The following ARHGEF17 variants were observed in gnomAD, a reference collection of about 807,000 sequenced individuals.
The protein encoded by ARHGEF17 is 164 kDa Rho-specific guanine-nucleotide exchange factor.
In ARHGEF17, 80 loss-of-function variants were observed where a neutral mutation model predicts 174.0. The ratio of observed to expected loss-of-function variants is 0.46; its 90% CI spans 0.38 to 0.55. The LOEUF (loss-of-function observed/expected upper bound fraction) is 0.55. Ranked by LOEUF, ARHGEF17 falls within the 20% of genes least tolerant of loss-of-function variation. The probability of loss-of-function intolerance (pLI) is 0.00; values close to 1 mark genes in which losing one functional copy is unlikely to be tolerated. For synonymous variants in ARHGEF17, 1,311 were observed against 1,189.1 expected, an observed-to-expected ratio of 1.10 and a Z score of -2.11; for missense variants, 2,886 against 2,839.7, an observed-to-expected ratio of 1.02 and a Z score of -0.37.
chr11:73,340,505 T>G (rs999173696), intron 1 of ARHGEF17, among the ~76,000 whole-genome samples: 2 of 152,064 alleles, frequency 1.3e-5, no homozygotes, highest in Admixed American at 1.3e-4. Context: ...GTCTGGGAGC[T>G]CCTGGAGGCA....
chr11:73,328,463 C>T (rs1865139189), intron 1 of ARHGEF17, among the ~76,000 whole-genome samples: 1 of 152,190 alleles, frequency 6.6e-6, no homozygotes, highest in African/African-American at 2.4e-5. Context: ...ACCCCAGGAC[C>T]TTCCTCCAGG....
Position 73,309,458 on chromosome 11 carries a change from T to A in ARHGEF17, c.820T>A (p.Ser274Thr). 1 of 1,541,922 alleles carries A rather than the reference T, an allele frequency of 6.5e-7. No individual in the cohort carries two copies. Residue 274 changes from serine to threonine, a missense_variant, in exon 1 of 21, where the codon TCC becomes ACC. By Grantham distance (58) the Ser-to-Thr change is moderately conservative (BLOSUM62 1). Around this residue, in one of 4 missense-constraint regions of ARHGEF17, gnomAD observed 1,728 missense variants for 1,461.2 expected, o/e 1.18. Coordinates refer to ENST00000263674, the MANE Select transcript of ARHGEF17 (RefSeq NM_014786.4). Reference protein sequence around the residue: ...AQSPAYHGGHSSGSDDDRDGE... With the variant: ...AQSPAYHGGHTSGSDDDRDGE... Reference sequence around the variant, plus strand: ...GAGTCCGGCCTACCACGGCGGCCACTCCTCGGGCAGTGACGACGACCGAGA... The same window carrying A: ...GAGTCCGGCCTACCACGGCGGCCACACCTCGGGCAGTGACGACGACCGAGA...
At chr11:73,318,643 A>G (rs1464175576) in intron 1 of ARHGEF17, among the ~76,000 whole-genome samples, 1 of 152,232 alleles carries the variant, frequency 6.6e-6, no homozygotes, top group East Asian at 1.9e-4. Flanking sequence ...ACAAAAAGCA[A>G]GAACCAAACA....
rs781420908 is a variant in ARHGEF17 at position 73,310,779 on chromosome 11, C to T, written c.2141C>T (p.Pro714Leu). 7 of 1,612,090 alleles carry T rather than the reference C, an allele frequency of 4.3e-6. No individual in the cohort carries two copies. Among genetic ancestry groups the T allele is most frequent in the East Asian group, 4.5e-5 (2 of 44,842 alleles). The change falls in exon 1 of 21, where the codon CCT becomes CTT. Residue 714 changes from proline (P) to leucine (L), a missense_variant. Physicochemically the swap from Pro to Leu is moderately conservative, Grantham distance 98. This residue lies in a region of ARHGEF17 where 1,728 missense variants were observed against 1,461.2 expected (regional missense o/e 1.18). Coordinates refer to ENST00000263674, the MANE Select transcript of ARHGEF17 (RefSeq NM_014786.4). ...CTCCGCCGACGACGCAAAGTCCCAC[C>T]TTCAGGTTCTGGTGGGAGCGAATTG... ...GALRRRRKVP[P>L]SGSGGSELSN...
intron 3 of ARHGEF17, 119 bp downstream of exon 3, chr11:73,353,131 T>C: frequency 7.5e-7 from 1 of 1,331,118 alleles, no homozygotes. Context: ...TTTCCAGATC[T>C]GACCATAGAA....
At chr11:73,362,384 G>C (rs751599238) in intron 13 of ARHGEF17, 49 bp from the exon 14 acceptor site, 1 of 1,478,528 alleles carries the variant, frequency 6.8e-7, no homozygotes, top group African/African-American at 1.4e-5. Flanking sequence ...CACCACCGGG[G>C]CCCCGTCTGG....
chr11:73,350,114 C>T (rs1006666813), intron 2 of ARHGEF17, among the ~76,000 whole-genome samples: 1 of 152,234 alleles, frequency 6.6e-6, no homozygotes, highest in East Asian at 1.9e-4. Context: ...ATACTGCCTG[C>T]AGCTCTGCAA....
Position 73,310,102 on chromosome 11 carries a change from A to G in ARHGEF17, c.1464A>G (p.Arg488=), listed in dbSNP as rs1233002687. ...CAGACCTTTCAGAGCTGAGGGTCCGAAAACCTGGTGGGAGCTCCGGGGACC... is the reference window on the plus strand; with the variant it reads ...CAGACCTTTCAGAGCTGAGGGTCCGGAAACCTGGTGGGAGCTCCGGGGACC... The part of the protein sequence containing the change: ...LRSDLSELRV[R]KPGGSSGDRG... Residue 488 remains arginine (R), a synonymous_variant, in exon 1 of 21, where the codon CGA becomes CGG. Coordinates refer to ENST00000263674, the MANE Select transcript of ARHGEF17 (RefSeq NM_014786.4). 6.2e-7 allele frequency: 1 copy of G among 1,614,120 alleles called. No homozygotes were observed. Among genetic ancestry groups the G allele is most frequent in the Non-Finnish European group, 8.5e-7 (1 of 1,180,022 alleles).
intron 5 of ARHGEF17, 29 bp downstream of exon 5, chr11:73,355,982 G>T (rs1389070417): frequency 6.2e-7 from 1 of 1,613,212 alleles, no homozygotes; most frequent in East Asian, 2.2e-5. Context: ...GGGCAAGTGG[G>T]CAAGGCCTGG....
intron 1 of ARHGEF17, among the ~76,000 whole-genome samples, chr11:73,333,566 A>G (rs1865242931): frequency 6.6e-6 from 1 of 152,224 alleles, no homozygotes; most frequent in African/African-American, 2.4e-5. Flanking sequence ...TGACCACCCT[A>G]TGCTTGCCTG....
chr11:73,328,969 C>G (rs1294509561), intron 1 of ARHGEF17, among the ~76,000 whole-genome samples: 1 of 152,156 alleles, frequency 6.6e-6, no homozygotes, highest in South Asian at 2.1e-4. Context: ...GGTGCAAAGG[C>G]TGTTCAGAGA....
intron 1 of ARHGEF17, among the ~76,000 whole-genome samples, chr11:73,334,503 G>A (rs543084362): frequency 5.3e-5 from 8 of 152,270 alleles, no homozygotes; most frequent in African/African-American, 1.9e-4. Context: ...TAGGTCTCTG[G>A]TGGCATGAAT....
chr11:73,319,313 C>T (rs751849825), intron 1 of ARHGEF17, among the ~76,000 whole-genome samples: 2 of 152,192 alleles, frequency 1.3e-5, no homozygotes, highest in Admixed American at 6.5e-5. Context: ...CCGCCTGCCT[C>T]GACCTCCCAA....
rs1358971073 is a variant in ARHGEF17 at position 73,367,835 on chromosome 11, C to A, written c.*55C>A. 6.5e-7 allele frequency: 1 copy of A among 1,546,596 alleles called. No homozygotes were observed. The highest frequency in any genetic ancestry group is 8.8e-7 in the Non-Finnish European group (1 of 1,136,116). The stretch of plus-strand genomic sequence containing the variant: ...GCCCACCTGCCTTCAGCCTGCTTGC[C>A]TCTCCCTAGCCCACACGCAGACTTT... On this transcript the variant is annotated 3_prime_UTR_variant, in exon 21 of 21. Coordinates refer to ENST00000263674, the MANE Select transcript of ARHGEF17 (RefSeq NM_014786.4).
chr11:73,348,910 G>A (rs61086238), intron 2 of ARHGEF17, among the ~76,000 whole-genome samples: 1,956 of 152,280 alleles, frequency 0.013, 45 homozygotes, highest in African/African-American at 0.044. Flanking sequence ...GCTGAGACCT[G>A]AAGGGTGAGT....
intron 1 of ARHGEF17, among the ~76,000 whole-genome samples, chr11:73,322,592 A>T (rs972320683): frequency 6.6e-6 from 1 of 152,152 alleles, no homozygotes; most frequent in Non-Finnish European, 1.5e-5. Context: ...AACTTGTCTG[A>T]GCCAGGGCAG....
chr11:73,360,189 GGAA>G lies in ARHGEF17; in HGVS notation c.4207-130_4207-128del. On this transcript the variant is annotated intron_variant, in intron 10 of 20. Transcript: ENST00000263674. ...GAGGCCCCATCCCCCATATATCAAAGGAATCCAGGTCTGAGGGAGGAGACAGTC... is the reference window on the plus strand; with the variant it reads ...GAGGCCCCATCCCCCATATATCAAAGTCCAGGTCTGAGGGAGGAGACAGTC... 5 of 1,072,004 alleles carry G rather than the reference GGAA, an allele frequency of 4.7e-6. No individual in the cohort carries two copies. The South Asian group carries it at 7.6e-5, about 16-fold the overall frequency. The allele number at this position is 1,072,004 out of a possible 1,614,324, so 66.4% of individuals were successfully genotyped here.
At chr11:73,346,549 G>T (rs74382843) in intron 1 of ARHGEF17, among the ~76,000 whole-genome samples, 4,049 of 152,370 alleles carry the variant, frequency 0.027, 69 homozygotes, top group Non-Finnish European at 0.042. Context: ...AATGTGAAAG[G>T]TTATTGATTT....
In ARHGEF17 at chr11:73,359,246, A is replaced by G. The variant is rs143903596; in HGVS notation, c.4088-588A>G. 2.1e-4 allele frequency among the ~76,000 whole-genome samples: 32 copies of G among 152,354 alleles called. No individual in the cohort carries two copies. In the East Asian group the frequency reaches 5.2e-3, roughly 25 times the overall value. On this transcript the variant is annotated intron_variant, in intron 9 of 20. Transcript: ENST00000263674. ...TTCTTTTCCCTTGATTTCAAGACAC[A>G]TGTGTCCTGGCCCAAGGGTGGAGGG...
Sources: allele counts gnomAD v4.1 joint callset (sites outside exome capture counted in the v4.1 genomes callset), GRCh38; gene constraint gnomAD v4.1.1; regional missense constraint gnomAD v4.1.1; transcripts MANE v1.5; gene names NCBI Gene and HGNC (gene_info 2026-07-23, HGNC 2026-07-21).